The following SLC30A8 variants were observed in gnomAD, a reference collection of about 807,000 sequenced individuals.
SLC30A8 encodes solute carrier family 30 member 8.
In SLC30A8, 27 loss-of-function variants were observed where a neutral mutation model predicts 36.9. That is an observed-to-expected ratio of 0.73 (90% confidence interval 0.54 to 1.01). The LOEUF is 1.01. Among genes scored for constraint, SLC30A8 ranks in the 50% least tolerant of loss-of-function variants. The pLI is 0.00. For synonymous variants in SLC30A8, 164 were observed against 172.4 expected, an observed-to-expected ratio of 0.95 and a Z score of 0.38; for missense variants, 439 against 452.0, an observed-to-expected ratio of 0.97 and a Z score of 0.26.
chr8:117,011,575 CTAGACT>C (rs1263048803), intron 1 of SLC30A8, among the ~76,000 whole-genome samples: 1 of 152,144 alleles, frequency 6.6e-6, no homozygotes, highest in African/African-American at 2.4e-5. Context: ...CCTCAAGGCT[CTAGACT>C]TGTTAATTTA....
intron 1 of SLC30A8, among the ~76,000 whole-genome samples, chr8:117,036,121 A>G (rs757137559): frequency 5.3e-5 from 8 of 152,264 alleles, no homozygotes; most frequent in Non-Finnish European, 8.8e-5. Flanking sequence ...CCCCCCCCAG[A>G]AAATGGGGTT....
At chr8:117,023,321 C>G (rs1206895218) in intron 1 of SLC30A8, among the ~76,000 whole-genome samples, 10 of 152,106 alleles carry the variant, frequency 6.6e-5, no homozygotes, top group Non-Finnish European at 4.4e-5. Flanking sequence ...GGCGATTCCT[C>G]AGGGATCTAG....
chr8:117,068,963 C>T lies in SLC30A8; in HGVS notation c.-226+29705C>T, dbSNP rs544597482. Among the ~76,000 whole-genome samples, 20 of 152,288 alleles carry T rather than the reference C, an allele frequency of 1.3e-4. No individual in the cohort carries two copies. The Middle Eastern group carries it at 0.01, about 78-fold the overall frequency. On this transcript the variant is annotated intron_variant, in intron 2 of 10. Coordinates refer to the SLC30A8 transcript ENST00000427715. ...TCTCACCTTTAACTGTCAACTCTCA[C>T]TCTATCTCCAAGATTCACCCAAAAT...
chr8:117,112,974 G>T (rs1586537904), intron 2 of SLC30A8, among the ~76,000 whole-genome samples: 2 of 152,116 alleles, frequency 1.3e-5, no homozygotes. Flanking sequence ...GGTCAAGCAT[G>T]ACTGTTCCTT....
chr8:117,106,206 A>G (rs975590928), intron 2 of SLC30A8, among the ~76,000 whole-genome samples: 3 of 152,204 alleles, frequency 2.0e-5, no homozygotes, highest in African/African-American at 7.2e-5. Context: ...CACTAGCCAC[A>G]TGTGGTTTTC....
chr8:117,054,096 A>ATTTTTT (rs1586448380), intron 2 of SLC30A8, among the ~76,000 whole-genome samples: 3 of 119,196 alleles, frequency 2.5e-5, no homozygotes, highest in African/African-American at 3.6e-5. Flanking sequence ...TACTGCAAAA[A>ATTTTTT]TCTTTTTTTT....
intron 2 of SLC30A8, among the ~76,000 whole-genome samples, chr8:117,098,550 T>C (rs16889398): frequency 0.033 from 5,016 of 152,220 alleles, 194 homozygotes; most frequent in African/African-American, 0.097. Context: ...GAGAGAATAT[T>C]GGAAACAGGC....
chr8:117,004,504 T>C (rs1816109852), intron 1 of SLC30A8, among the ~76,000 whole-genome samples: 1 of 152,112 alleles, frequency 6.6e-6, no homozygotes, highest in Admixed American at 6.5e-5. Flanking sequence ...GAGCTTTTGA[T>C]GGCGTCAAGA....
At chr8:117,020,651 A>T (rs546646927) in intron 1 of SLC30A8, among the ~76,000 whole-genome samples, 1 of 134,454 alleles carries the variant, frequency 7.4e-6, no homozygotes, top group African/African-American at 3.0e-5. Context: ...AAATTCTGGT[A>T]CATCTATATA....
chr8:117,166,411 T>A (rs1020240054), intron 6 of SLC30A8, among the ~76,000 whole-genome samples: 1 of 152,178 alleles, frequency 6.6e-6, no homozygotes, highest in African/African-American at 2.4e-5. Context: ...AAACAGGTAT[T>A]ATGAAGGACT....
intron 1 of SLC30A8, among the ~76,000 whole-genome samples, chr8:117,022,199 C>CA (rs5894361): frequency 0.12 from 16,449 of 141,042 alleles, 1,096 homozygotes; most frequent in East Asian, 0.18. Flanking sequence ...GACTCCGTCT[C>CA]AAAAAAAAAA....
chr8:117,120,001 C>T (rs547535131), intron 2 of SLC30A8, among the ~76,000 whole-genome samples: 1 of 151,824 alleles, frequency 6.6e-6, no homozygotes, highest in Admixed American at 6.6e-5. Flanking sequence ...ACATCTTGTG[C>T]TCATAAATTG....
At chr8:117,171,466 T>C (rs937556159) in intron 7 of SLC30A8, among the ~76,000 whole-genome samples, 1 of 152,266 alleles carries the variant, frequency 6.6e-6, no homozygotes, top group East Asian at 1.9e-4. Context: ...TTCATCTGTT[T>C]GGCTTGGTGC....
chr8:117,123,790 ATAAT>A (rs1215815572), intron 2 of SLC30A8, among the ~76,000 whole-genome samples: 9 of 152,036 alleles, frequency 5.9e-5, no homozygotes, highest in African/African-American at 1.9e-4. Flanking sequence ...GCTGTACAAC[ATAAT>A]TAAAGTTGCT....
intron 1 of SLC30A8, among the ~76,000 whole-genome samples, chr8:117,145,969 TAG>T (rs931870022): frequency 7.9e-5 from 12 of 151,998 alleles, no homozygotes; most frequent in African/African-American, 2.7e-4. Flanking sequence ...CTGAGAAAGG[TAG>T]AGAGGAGGAA....
chr8:117,054,537 A>G (rs1357271102), intron 2 of SLC30A8, among the ~76,000 whole-genome samples: 2 of 152,304 alleles, frequency 1.3e-5, no homozygotes, highest in African/African-American at 2.4e-5. Context: ...GCAAACATAC[A>G]GAAGAATACT....
At chr8:117,011,564 G>T (rs1262013118) in intron 1 of SLC30A8, among the ~76,000 whole-genome samples, 1 of 152,148 alleles carries the variant, frequency 6.6e-6, no homozygotes, top group South Asian at 2.1e-4. Flanking sequence ...CTTTTTGCCA[G>T]CCTCAAGGCT....
At chr8:117,030,710 A>C (rs1817017295) in intron 1 of SLC30A8, among the ~76,000 whole-genome samples, 1 of 152,228 alleles carries the variant, frequency 6.6e-6, no homozygotes, top group Non-Finnish European at 1.5e-5. Flanking sequence ...TTATTTAGAT[A>C]GTCTGGAATG....
chr8:117,032,746 C>T (rs773241420), intron 1 of SLC30A8, among the ~76,000 whole-genome samples: 18 of 152,056 alleles, frequency 1.2e-4, no homozygotes, highest in South Asian at 4.2e-4. Context: ...AAAAATTAGC[C>T]GGGTGTGGTG....
Sources: allele counts gnomAD v4.1 joint callset (sites outside exome capture counted in the v4.1 genomes callset), GRCh38; gene constraint gnomAD v4.1.1; transcripts MANE v1.5; gene names NCBI Gene and HGNC (gene_info 2026-07-23, HGNC 2026-07-21).